VEPH1: variants seen among roughly 807,000 people sequenced by gnomAD.
VEPH1 encodes the protein ventricular zone-expressed PH domain-containing protein homolog 1.
In VEPH1, 80 loss-of-function variants were observed where a neutral mutation model predicts 85.2. The ratio of observed to expected loss-of-function variants is 0.94; its 90% CI spans 0.78 to 1.13. The LOEUF (loss-of-function observed/expected upper bound fraction) is 1.13. Among genes scored for constraint, VEPH1 ranks in the 50% most tolerant of loss-of-function variants. The pLI, the probability that VEPH1 is intolerant of heterozygous loss-of-function variation, is 0.00. For synonymous variants in VEPH1, 297 were observed against 348.0 expected (o/e 0.85, Z 1.63); for missense variants, 955 against 980.5 (o/e 0.97, Z 0.35).
intron 2 of VEPH1, among the ~76,000 whole-genome samples, chr3:157,489,580 G>A (rs1282306573): frequency 2.0e-5 from 3 of 152,152 alleles, no homozygotes; most frequent in East Asian, 1.9e-4. Context: ...TCAAGCCTCC[G>A]ATATCCTGTC....
chr3:157,374,493 T>C (rs758490951), intron 7 of VEPH1, among the ~76,000 whole-genome samples: 58 of 152,228 alleles, frequency 3.8e-4, no homozygotes, highest in Non-Finnish European at 1.5e-4. Context: ...TACCTAAAAA[T>C]GTGGAAGTTC....
intron 4 of VEPH1, among the ~76,000 whole-genome samples, chr3:157,436,374 T>C (rs1733577718): frequency 6.6e-6 from 1 of 152,186 alleles, no homozygotes; most frequent in Non-Finnish European, 1.5e-5. Flanking sequence ...CCATAACTAT[T>C]CTTAATATGT....
At position 157,317,146 on chromosome 3, in the gene VEPH1, A is replaced by G; in HGVS notation, c.1791T>C (p.His597=). The change falls in exon 10 of 14, where the codon CAT becomes CAC. Residue 597 remains histidine (H), a synonymous_variant. Transcript: ENST00000362010. ...AACTGGACTTACTGTATAGGCAGTA[A>G]TGACCCTTCAGGGAGCAGGTGAAGA... ...KLFFTCSLKG[H]YCLYSKSSFI... is the part of the protein sequence containing the mutation. The G allele has an allele frequency of 6.2e-7, 1 of 1,613,524 alleles. No homozygotes were observed. Among genetic ancestry groups the G allele is most frequent in the African/African-American group, 1.3e-5 (1 of 75,046 alleles).
chr3:157,342,497 T>C (rs1181682929), intron 9 of VEPH1, among the ~76,000 whole-genome samples: 1 of 152,134 alleles, frequency 6.6e-6, no homozygotes, highest in Non-Finnish European at 1.5e-5. Context: ...TATACATGCA[T>C]CCAATACATG....
intron 12 of VEPH1, among the ~76,000 whole-genome samples, chr3:157,282,783 AAAG>A (rs1716300633): frequency 6.6e-6 from 1 of 152,342 alleles, no homozygotes; most frequent in East Asian, 1.9e-4. Flanking sequence ...GGCAACTGAT[AAAG>A]AAGATTAGCT....
intron 2 of VEPH1, chr3:157,488,990 A>C (rs1738957473): frequency 3.7e-6 from 1 of 273,070 alleles, no homozygotes; most frequent in Non-Finnish European, 7.6e-6. Context: ...CATCACATGC[A>C]CATACTTCAG....
At chr3:157,330,180 A>G (rs1442989479) in intron 9 of VEPH1, among the ~76,000 whole-genome samples, 3 of 152,214 alleles carry the variant, frequency 2.0e-5, no homozygotes, top group Non-Finnish European at 4.4e-5. Context: ...TATTCTTTAC[A>G]TCATAACAAC....
intron 13 of VEPH1, among the ~76,000 whole-genome samples, chr3:157,262,554 GAAAC>G (rs1164117751): frequency 2.6e-5 from 4 of 151,676 alleles, no homozygotes; most frequent in African/African-American, 4.8e-5. Flanking sequence ...AAAAAAAAGA[GAAAC>G]AATGTGAACA....
chr3:157,381,004 G>C, intron 7 of VEPH1, 152 bp downstream of exon 7: 1 of 730,632 alleles, frequency 1.4e-6, no homozygotes, highest in Admixed American at 2.9e-5. Context: ...TTAGAAGAAA[G>C]ATTCTGGCAA....
At chr3:157,286,534 A>G (rs4680353) in intron 12 of VEPH1, 23 bp downstream of exon 12, 2 of 1,593,560 alleles carry the variant, frequency 1.3e-6, no homozygotes, top group African/African-American at 1.3e-5. Flanking sequence ...AATGGTTCTT[A>G]GCAGCAGGTA....
intron 9 of VEPH1, among the ~76,000 whole-genome samples, chr3:157,326,121 T>G (rs1195851874): frequency 1.3e-5 from 2 of 152,214 alleles, no homozygotes; most frequent in Admixed American, 6.5e-5. Flanking sequence ...ATTCATGATT[T>G]GGCTCTTGGC....
intron 6 of VEPH1, among the ~76,000 whole-genome samples, chr3:157,395,050 T>A (rs1730233518): frequency 6.6e-6 from 1 of 152,140 alleles, no homozygotes. Flanking sequence ...TGCTTCAGGA[T>A]CAAGGGGAGC....
At chr3:157,456,637 C>T (rs1177926731) in intron 4 of VEPH1, among the ~76,000 whole-genome samples, 2 of 152,204 alleles carry the variant, frequency 1.3e-5, no homozygotes, top group East Asian at 3.9e-4. Flanking sequence ...TAGTCTTTTG[C>T]CCATTGCTTG....
At chr3:157,318,638 A>AAGAAAG (rs140086513) in intron 9 of VEPH1, among the ~76,000 whole-genome samples, 3 of 144,788 alleles carry the variant, frequency 2.1e-5, no homozygotes, top group East Asian at 2.1e-4. Context: ...AAAAAAAAGA[A>AAGAAAG]AGAAAGAAAG....
intron 5 of VEPH1, 80 bp from the exon 6 acceptor site, chr3:157,414,170 G>A: frequency 8.2e-7 from 1 of 1,217,674 alleles, no homozygotes; most frequent in Admixed American, 2.1e-5. Flanking sequence ...AATTTTGAAA[G>A]CAAACTTTTT....
At chr3:157,459,994 G>A in intron 4 of VEPH1, 187 bp downstream of exon 4, 2 of 1,541,392 alleles carry the variant, frequency 1.3e-6, no homozygotes, top group Non-Finnish European at 1.7e-6. Flanking sequence ...CATCTGCCTT[G>A]GGAAGGGACA....
intron 4 of VEPH1, among the ~76,000 whole-genome samples, chr3:157,454,959 A>T (rs1165462385): frequency 6.6e-6 from 1 of 152,206 alleles, no homozygotes; most frequent in African/African-American, 2.4e-5. Context: ...TCCTTGGTGT[A>T]TATGTACCAC....
intron 12 of VEPH1, among the ~76,000 whole-genome samples, chr3:157,269,950 C>T (rs1167034197): frequency 6.6e-6 from 1 of 152,012 alleles, no homozygotes; most frequent in East Asian, 1.9e-4. Context: ...ATTTAAAGCA[C>T]CACAATTTGG....
At chr3:157,348,239 T>C (rs1724463948) in intron 9 of VEPH1, among the ~76,000 whole-genome samples, 1 of 152,146 alleles carries the variant, frequency 6.6e-6, no homozygotes, top group African/African-American at 2.4e-5. Context: ...CTCTTCAATA[T>C]AATAATTTCC....
Sources: allele counts gnomAD v4.1 joint callset (sites outside exome capture counted in the v4.1 genomes callset), GRCh38; gene constraint gnomAD v4.1.1; transcripts MANE v1.5; gene names NCBI Gene and HGNC (gene_info 2026-07-23, HGNC 2026-07-21).